The following GALNTL6 variants were observed in gnomAD, a reference collection of about 807,000 sequenced individuals.
The protein encoded by GALNTL6 is polypeptide N-acetylgalactosaminyltransferase-like 6.
Under a neutral mutation model 73.7 loss-of-function variants are expected in GALNTL6, and 46 were observed. The observed-to-expected ratio is 0.62, with a 90% CI of 0.49 to 0.80. The LOEUF (loss-of-function observed/expected upper bound fraction) is 0.80. Among genes scored for constraint, GALNTL6 ranks in the 30% least tolerant of loss-of-function variants. GALNTL6 has a pLI of 0.00. For synonymous variants in GALNTL6, 259 were observed against 263.7 expected (o/e 0.98, Z 0.17); for missense variants, 604 against 755.0 (o/e 0.80, Z 2.34).
At chr4:172,729,531 A>G (rs1216021490) in intron 5 of GALNTL6, among the ~76,000 whole-genome samples, 1 of 152,180 alleles carries the variant, frequency 6.6e-6, no homozygotes, top group Admixed American at 6.5e-5. Flanking sequence ...TAAGTTGAAG[A>G]TAAGCAGGCT....
At chr4:172,250,213 G>A (rs1228240884) in intron 3 of GALNTL6, among the ~76,000 whole-genome samples, 2 of 152,092 alleles carry the variant, frequency 1.3e-5, no homozygotes, top group Non-Finnish European at 2.9e-5. Flanking sequence ...GAGGCCTGTG[G>A]CCCCTCTGTT....
Position 172,708,390 on chromosome 4 carries a change from G to T in GALNTL6, c.554-100971G>T, listed in dbSNP as rs527986692. Among the ~76,000 whole-genome samples the T allele has an allele frequency of 3.3e-5, 5 of 152,268 alleles. No individual in the cohort carries two copies. The South Asian group carries it at 1.0e-3, about 32-fold the overall frequency. On this transcript the variant is annotated intron_variant, in intron 5 of 12. Coordinates refer to ENST00000506823, the MANE Select transcript of GALNTL6 (RefSeq NM_001034845.3). ...AAGTGTTTATAATGTTTGTAGTACAGGTGTCATCCAGGCATTTCTCTACCA... is the reference window on the plus strand; with the variant it reads ...AAGTGTTTATAATGTTTGTAGTACATGTGTCATCCAGGCATTTCTCTACCA...
chr4:172,562,263 A>C (rs2110928451), intron 5 of GALNTL6, among the ~76,000 whole-genome samples: 1 of 152,334 alleles, frequency 6.6e-6, no homozygotes, highest in South Asian at 2.1e-4. Context: ...TTTGGCCTCC[A>C]GCTCAAAGGG....
chr4:172,497,666 A>G (rs964406924), intron 5 of GALNTL6, among the ~76,000 whole-genome samples: 14 of 152,240 alleles, frequency 9.2e-5, no homozygotes, highest in East Asian at 1.9e-4. Context: ...CAATTATTCA[A>G]AAAATCCCTG....
intron 2 of GALNTL6, among the ~76,000 whole-genome samples, chr4:172,099,818 G>T (rs145505423): frequency 3.2e-4 from 49 of 152,192 alleles, no homozygotes; most frequent in Non-Finnish European, 6.2e-4. Context: ...GAAGTTTCAG[G>T]TTTGGTCTTT....
chr4:172,206,603 G>T (rs1736116773), intron 2 of GALNTL6, among the ~76,000 whole-genome samples: 1 of 151,984 alleles, frequency 6.6e-6, no homozygotes, highest in South Asian at 2.1e-4. Flanking sequence ...GAAGATTGTT[G>T]TAGGCATTTT....
Position 172,949,849 on chromosome 4 carries a change from C to T in GALNTL6, c.1150-2188C>T, listed in dbSNP as rs1379999994. ...GCTTGAAGCTGGGAGGCAGAGGTTGCAGTCAGCCAAGATTGCACCACTGCA... is the reference window on the plus strand; with the variant it reads ...GCTTGAAGCTGGGAGGCAGAGGTTGTAGTCAGCCAAGATTGCACCACTGCA... On this transcript the variant is annotated intron_variant, in intron 9 of 12. Transcript: ENST00000506823. Among the ~76,000 whole-genome samples, 5 of 148,734 alleles carry T rather than the reference C, an allele frequency of 3.4e-5. No individual in the cohort carries two copies. In the East Asian group the frequency reaches 9.9e-4, roughly 29 times the overall value.
chr4:172,269,877 G>C (rs1738581049), intron 3 of GALNTL6, among the ~76,000 whole-genome samples: 2 of 151,914 alleles, frequency 1.3e-5, no homozygotes, highest in African/African-American at 4.8e-5. Context: ...TCAGCCTCCT[G>C]AGTAGCTGAG....
At chr4:172,359,546 A>G (rs1742290776) in intron 5 of GALNTL6, among the ~76,000 whole-genome samples, 1 of 152,158 alleles carries the variant, frequency 6.6e-6, no homozygotes, top group Non-Finnish European at 1.5e-5. Flanking sequence ...AAAGAATCAG[A>G]GAAGTAAGTA....
intron 3 of GALNTL6, among the ~76,000 whole-genome samples, chr4:172,269,745 A>AT (rs1738573000): frequency 1.3e-5 from 2 of 150,634 alleles, no homozygotes; most frequent in South Asian, 2.1e-4. Flanking sequence ...TCTCTCTTTA[A>AT]TTTTTTTATT....
intron 3 of GALNTL6, among the ~76,000 whole-genome samples, chr4:172,288,016 A>G (rs1561007489): frequency 6.6e-6 from 1 of 152,104 alleles, no homozygotes; most frequent in Non-Finnish European, 1.5e-5. Context: ...CTCACAACTG[A>G]ATTAGAAAAA....
At chr4:171,983,461 T>C (rs1739973637) in intron 2 of GALNTL6, among the ~76,000 whole-genome samples, 1 of 136,284 alleles carries the variant, frequency 7.3e-6, no homozygotes, top group African/African-American at 2.6e-5. Flanking sequence ...AGAGGCATCT[T>C]GATTTTATTT....
intron 2 of GALNTL6, among the ~76,000 whole-genome samples, chr4:172,109,034 A>AAG: frequency 6.6e-6 from 1 of 150,938 alleles, no homozygotes; most frequent in East Asian, 2.0e-4. Context: ...AAAAAAAAAA[A>AAG]AAAAAAAAGA....
chr4:172,800,072 A>G (rs1327311820), intron 5 of GALNTL6, among the ~76,000 whole-genome samples: 1 of 152,194 alleles, frequency 6.6e-6, no homozygotes, highest in African/African-American at 2.4e-5. Context: ...AGTCAAACTT[A>G]TAAAAGCAGA....
chr4:172,325,262 C>A (rs372583400), intron 4 of GALNTL6, among the ~76,000 whole-genome samples: 20 of 151,618 alleles, frequency 1.3e-4, no homozygotes, highest in African/African-American at 4.6e-4. Flanking sequence ...ATTTAAATAC[C>A]AACTGTTGCT....
intron 5 of GALNTL6, among the ~76,000 whole-genome samples, chr4:172,702,825 G>T (rs1425002443): frequency 6.6e-6 from 1 of 151,306 alleles, no homozygotes; most frequent in Non-Finnish European, 1.5e-5. Context: ...ACACTTTATA[G>T]TTTTTTTTGT....
At chr4:171,824,603 T>G (rs1251789529) in intron 2 of GALNTL6, among the ~76,000 whole-genome samples, 1 of 152,156 alleles carries the variant, frequency 6.6e-6, no homozygotes, top group African/African-American at 2.4e-5. Context: ...AGAAAAAGCA[T>G]GTTCCTATTA....
intron 4 of GALNTL6, among the ~76,000 whole-genome samples, chr4:172,325,565 A>G (rs1344734494): frequency 6.6e-6 from 1 of 151,984 alleles, no homozygotes; most frequent in African/African-American, 2.4e-5. Flanking sequence ...TGACAGTTAA[A>G]GCAAAACAAC....
At chr4:172,156,540 A>AGTATATAT (rs58197299) in intron 2 of GALNTL6, among the ~76,000 whole-genome samples, 7 of 125,164 alleles carry the variant, frequency 5.6e-5, no homozygotes, top group African/African-American at 1.7e-4. Flanking sequence ...ATATATATAT[A>AGTATATAT]ATATATATAT....
Sources: gnomAD v4.1 joint callset for allele counts (sites outside exome capture counted in the v4.1 genomes callset) on GRCh38, gnomAD v4.1.1 for gene constraint, MANE v1.5 for transcripts, NCBI Gene and HGNC (gene_info 2026-07-23, HGNC 2026-07-21) for gene names.